The following DAB1 variants were observed in gnomAD, a reference collection of about 807,000 sequenced individuals.
DAB1 encodes DAB adaptor protein 1.
DAB1 carries 15 observed loss-of-function variants against 64.6 expected under a neutral mutation model. That is an observed-to-expected ratio of 0.23 (90% CI 0.16 to 0.36). The LOEUF (loss-of-function observed/expected upper bound fraction) is 0.36, where lower values mean the gene tolerates loss of function less well. DAB1 is among the 10% of genes least tolerant of loss of function. The pLI, the probability that DAB1 is intolerant of heterozygous loss-of-function variation, is 1.00. For missense variants in DAB1, 596 were observed against 706.7 expected, an observed-to-expected ratio of 0.84 and a Z score of 1.78; for synonymous variants, 235 against 251.9, an observed-to-expected ratio of 0.93 and a Z score of 0.64.
chr1:58,042,554 A>G (rs758338029), intron 5 of DAB1, among the ~76,000 whole-genome samples: 1 of 152,228 alleles, frequency 6.6e-6, no homozygotes, highest in Non-Finnish European at 1.5e-5. Context: ...CAATATATGC[A>G]TGGCGCATTG....
At chr1:58,077,800 C>T (rs1020407493) in intron 5 of DAB1, among the ~76,000 whole-genome samples, 2 of 152,162 alleles carry the variant, frequency 1.3e-5, no homozygotes, top group Non-Finnish European at 2.9e-5. Context: ...TGGGAATCCA[C>T]ACTTGGTCTT....
intron 4 of DAB1, among the ~76,000 whole-genome samples, chr1:58,160,564 G>A (rs1310328241): frequency 6.6e-6 from 1 of 152,088 alleles, no homozygotes; most frequent in Non-Finnish European, 1.5e-5. Flanking sequence ...CACACGGGCT[G>A]GGCCTCACCA....
chr1:57,290,796 A>C (rs147003279), intron 2 of DAB1, among the ~76,000 whole-genome samples, 168 bp downstream of exon 2: 7 of 152,302 alleles, frequency 4.6e-5, no homozygotes, highest in African/African-American at 1.4e-4. Context: ...TTATCTGGAG[A>C]ATAATGATGA....
At chr1:57,513,395 C>T (rs1269138190) in intron 7 of DAB1, among the ~76,000 whole-genome samples, 1 of 152,136 alleles carries the variant, frequency 6.6e-6, no homozygotes. Context: ...ATATAATAAG[C>T]CTGGCACAGA....
At chr1:58,049,822 GCA>G (rs10701436) in intron 5 of DAB1, among the ~76,000 whole-genome samples, 10 of 150,532 alleles carry the variant, frequency 6.6e-5, no homozygotes, top group South Asian at 6.3e-4. Context: ...ACACGCATAT[GCA>G]CACACACACA....
intron 1 of DAB1, among the ~76,000 whole-genome samples, chr1:57,307,749 C>T (rs1428346195): frequency 6.6e-6 from 1 of 152,080 alleles, no homozygotes; most frequent in Non-Finnish European, 1.5e-5. Context: ...CTAGGCCACA[C>T]CTCCTTTCCT....
At chr1:57,534,087 A>G (rs1558469013) in intron 7 of DAB1, among the ~76,000 whole-genome samples, 1 of 152,138 alleles carries the variant, frequency 6.6e-6, no homozygotes, top group Non-Finnish European at 1.5e-5. Context: ...CTCTGTCTTC[A>G]TGGTCAAACC....
At position 58,213,585 on chromosome 1, in the gene DAB1, ACCAC is replaced by A. The variant is rs528276639; in HGVS notation, n.310-63001_310-62998del. 9.5e-4 allele frequency among the ~76,000 whole-genome samples: 145 copies of A among 152,272 alleles called. 2 individuals carry two copies. The highest frequency in any genetic ancestry group is 1.6e-3 in the Non-Finnish European group (107 of 68,024). On this transcript the variant is annotated intron_variant and non_coding_transcript_variant, in intron 4 of 20. Transcript: ENST00000485760. The stretch of plus-strand genomic sequence containing the variant: ...CTACCATGAGAACAGCATGGTGGTA[ACCAC>A]CACCATGATTTAATTACCTCCCACT...
chr1:57,820,817 G>A (rs559921877), intron 6 of DAB1, among the ~76,000 whole-genome samples: 1 of 152,298 alleles, frequency 6.6e-6, no homozygotes, highest in East Asian at 1.9e-4. Context: ...GTCAAAAAGA[G>A]TATTAAGTAA....
At chr1:57,674,994 G>T (rs1054566291) in intron 6 of DAB1, among the ~76,000 whole-genome samples, 1 of 152,172 alleles carries the variant, frequency 6.6e-6, no homozygotes, top group African/African-American at 2.4e-5. Flanking sequence ...AGAAATGTAT[G>T]TGTCACTTCT....
At chr1:57,650,403 T>C (rs1646242581) in intron 6 of DAB1, among the ~76,000 whole-genome samples, 1 of 152,090 alleles carries the variant, frequency 6.6e-6, no homozygotes. Context: ...CAGACCGGTA[T>C]TTACGTACAG....
chr1:57,907,866 T>C (rs980211771), intron 5 of DAB1, among the ~76,000 whole-genome samples: 5 of 91,366 alleles, frequency 5.5e-5, no homozygotes, highest in Admixed American at 1.3e-4. Context: ...GGTATGTGTA[T>C]ATATATATAT....
At chr1:57,910,013 G>A (rs1275878536) in intron 5 of DAB1, among the ~76,000 whole-genome samples, 2 of 152,194 alleles carry the variant, frequency 1.3e-5, no homozygotes, top group African/African-American at 4.8e-5. Context: ...GCCTGCTACA[G>A]AGTCTCATAA....
chr1:58,046,139 T>A (rs1256623038), intron 5 of DAB1, among the ~76,000 whole-genome samples: 2 of 152,192 alleles, frequency 1.3e-5, no homozygotes, highest in African/African-American at 2.4e-5. Flanking sequence ...ATATGTAAAG[T>A]CCTGTGGTAG....
chr1:57,555,909 C>T (rs1281659932), intron 7 of DAB1, among the ~76,000 whole-genome samples: 3 of 152,144 alleles, frequency 2.0e-5, no homozygotes, highest in Non-Finnish European at 2.9e-5. Context: ...TTAAAAATGA[C>T]CCCTTTTTCA....
intron 4 of DAB1, among the ~76,000 whole-genome samples, chr1:58,152,244 T>A (rs1292238879): frequency 6.6e-6 from 1 of 152,152 alleles, no homozygotes; most frequent in African/African-American, 2.4e-5. Flanking sequence ...AAGCTGGAAT[T>A]TCATTATCCC....
At chr1:58,518,354 G>GAAGAGAAGAGAAGA (rs1428140129) in intron 2 of DAB1, among the ~76,000 whole-genome samples, 78 of 32,448 alleles carry the variant, frequency 2.4e-3, no homozygotes, top group Non-Finnish European at 3.9e-3. Context: ...AGAAGAGAAG[G>GAAGAGAAGAGAAGA]GAAGGGAAGA....
intron 2 of DAB1, among the ~76,000 whole-genome samples, chr1:57,149,048 C>T (rs540407434): frequency 2.3e-4 from 35 of 152,268 alleles, no homozygotes; most frequent in East Asian, 1.2e-3. Flanking sequence ...AATCTCCTCC[C>T]GTCTTTATAC....
intron 1 of DAB1, among the ~76,000 whole-genome samples, chr1:57,317,385 A>G (rs1226624793): frequency 6.6e-6 from 1 of 152,232 alleles, no homozygotes; most frequent in South Asian, 2.1e-4. Context: ...TGCTTTTTTA[A>G]ACTGCTACAT....
Sources: gnomAD v4.1 joint callset for allele counts (sites outside exome capture counted in the v4.1 genomes callset) on GRCh38, gnomAD v4.1.1 for gene constraint, MANE v1.5 for transcripts, NCBI Gene and HGNC (gene_info 2026-07-23, HGNC 2026-07-21) for gene names.